The following UBA3 variants were observed in gnomAD, a reference collection of about 807,000 sequenced individuals.
UBA3 encodes the protein ubiquitin like modifier activating enzyme 3.
In UBA3, 26 loss-of-function variants were observed where a neutral mutation model predicts 73.5. The ratio of observed to expected loss-of-function variants is 0.35; its 90% CI spans 0.26 to 0.49. The LOEUF (loss-of-function observed/expected upper bound fraction) is 0.49. UBA3 is among the 20% of genes least tolerant of loss of function. The pLI, the probability that UBA3 is intolerant of heterozygous loss-of-function variation, is 0.98. For synonymous variants in UBA3, 217 were observed against 191.2 expected (o/e 1.13, Z -1.11); for missense variants, 495 against 555.6 (o/e 0.89, Z 1.10).
chr3:69,057,200 A>G (rs547364920), intron 12 of UBA3, 56 bp downstream of exon 12: 2 of 1,550,470 alleles, frequency 1.3e-6, no homozygotes, highest in Non-Finnish European at 1.8e-6. Flanking sequence ...AAGCTGCAGC[A>G]ACGTCAAAAA....
intron 6 of UBA3, 49 bp from the exon 7 acceptor site, chr3:69,064,160 T>C: frequency 2.0e-6 from 3 of 1,483,270 alleles, no homozygotes; most frequent in Non-Finnish European, 2.8e-6. Flanking sequence ...ATTTCTAAAA[T>C]GAATTTGACA....
Position 69,055,836 on chromosome 3 carries a change from C to A in UBA3, c.1303+15G>T. 1 of 1,604,536 alleles carries A rather than the reference C, an allele frequency of 6.2e-7. No individual in the cohort carries two copies. ...AAGAAAGAAAATGATTAGTAAATAC[C>A]CTTATGTAAAATACCTTTCAATGTT... On this transcript the variant is annotated intron_variant, in intron 17 of 17. Transcript: ENST00000361055.
intron 4 of UBA3, among the ~76,000 whole-genome samples, chr3:69,074,695 C>G (rs953183585): frequency 1.3e-5 from 2 of 152,162 alleles, no homozygotes; most frequent in African/African-American, 4.8e-5. Context: ...TGCCTCTACT[C>G]ATTTGTTACA....
intron 6 of UBA3, among the ~76,000 whole-genome samples, chr3:69,066,569 G>A (rs1180110611): frequency 6.6e-6 from 1 of 151,902 alleles, no homozygotes; most frequent in Admixed American, 6.6e-5. Flanking sequence ...TCAGCCTCCT[G>A]AGTAGCTGGG....
In UBA3 at chr3:69,056,687, G is replaced by A; in HGVS notation, c.1008C>T (p.Tyr336=). The change falls in exon 14 of 18, where the codon TAC becomes TAT. Residue 336 remains tyrosine (Y), a synonymous_variant. Transcript: ENST00000361055. Reference sequence around the variant, plus strand: ...ACACCAAGTAATTATTCAAGGGAATGTATGCACTGTAATGAAAAAATGTTC... The same window carrying A: ...ACACCAAGTAATTATTCAAGGGAATATATGCACTGTAATGAAAAAATGTTC... ...TEVFKIATSA[Y]IPLNNYLVFN... is the part of the protein sequence containing the mutation. 6.2e-7 allele frequency: 1 copy of A among 1,613,044 alleles called. No homozygotes were observed.
Sources: gnomAD v4.1 joint callset for allele counts (sites outside exome capture counted in the v4.1 genomes callset) on GRCh38, gnomAD v4.1.1 for gene constraint, MANE v1.5 for transcripts, NCBI Gene and HGNC (gene_info 2026-07-23, HGNC 2026-07-21) for gene names.